NXPE4: variants seen among roughly 807,000 people sequenced by gnomAD.
The protein encoded by NXPE4 is neurexophilin and PC-esterase domain family member 4.
Under a neutral mutation model 33.3 loss-of-function variants are expected in NXPE4, and 42 were observed. The ratio of observed to expected loss-of-function variants is 1.26; its 90% CI spans 0.98 to 1.63. NXPE4 has a LOEUF of 1.63. Among genes scored for constraint, NXPE4 ranks in the 40% most tolerant of loss-of-function variants. The pLI, the probability that NXPE4 is intolerant of heterozygous loss-of-function variation, is 0.00. For missense variants in NXPE4, 709 were observed against 647.6 expected (o/e 1.09, Z -1.03); for synonymous variants, 253 against 234.9 (o/e 1.08, Z -0.71).
At chr11:114,631,663 T>TA in the NXPE4 span, among the ~76,000 whole-genome samples, 1 of 151,878 alleles carries the variant, frequency 6.6e-6, no homozygotes, top group Non-Finnish European at 1.5e-5. Context: ...CCCTAAAACT[T>TA]AAAGTATATA....
At chr11:114,655,540 T>C in the NXPE4 span, among the ~76,000 whole-genome samples, 2 of 152,214 alleles carry the variant, frequency 1.3e-5, no homozygotes, top group Non-Finnish European at 1.5e-5. Context: ...GTTTTCTGCA[T>C]ATGGCTAGCC....
rs1565329188 is a variant in NXPE4, at chr11:114,577,028, CATATATATATATAAAGTTATATATATAT to C, written c.1099+3076_1099+3103del. 1.1e-3 allele frequency among the ~76,000 whole-genome samples: 104 copies of C among 95,010 alleles called. 3 individuals carry two copies. The highest frequency in any genetic ancestry group is 3.9e-3 in the African/African-American group (94 of 24,322). 62.3% of individuals were successfully genotyped at this position (95,010 alleles called of 152,430 possible). Reference sequence around the variant, plus strand: ...ATAAAGTTATATATATATATATATACATATATATATATAAAGTTATATATATATACATATATATATATAAAGTTATATA... The same window carrying C: ...ATAAAGTTATATATATATATATATACACATATATATATATAAAGTTATATA... On this transcript the variant is annotated intron_variant, in intron 5 of 5. Transcript: ENST00000375478.
rs763316164 is a variant in NXPE4 at position 114,583,021 on chromosome 11, C to G, written c.97G>C (p.Val33Leu). 1 of 1,602,618 alleles carries G rather than the reference C, an allele frequency of 6.2e-7. No individual in the cohort carries two copies. Among genetic ancestry groups the G allele is most frequent in the East Asian group, 2.2e-5 (1 of 44,788 alleles). ...ATGGATAAGTTTAGAGCAGACCAAA[C>G]CTGAAATGACAGCAAATGTGACATG... ...IFTVFQNSTK[V>L]WSALNLSISL... The change falls in exon 3 of 6, where the codon GTT becomes CTT. Residue 33 changes from valine (V) to leucine (L), a missense_variant and splice_region_variant. Val to Leu is a conservative substitution (Grantham distance 32, BLOSUM62 1). Coordinates refer to ENST00000375478, the MANE Select transcript of NXPE4 (RefSeq NM_001077639.2).
chr11:114,662,560 G>T, the NXPE4 span, among the ~76,000 whole-genome samples: 2 of 152,148 alleles, frequency 1.3e-5, no homozygotes, highest in Non-Finnish European at 2.9e-5. Flanking sequence ...TGAGACACCA[G>T]CTGCGGTGGC....
At chr11:114,611,927 C>T in the NXPE4 span, among the ~76,000 whole-genome samples, 136 of 148,018 alleles carry the variant, frequency 9.2e-4, 1 homozygote, top group East Asian at 0.022. Context: ...AAATTTTGCC[C>T]GGTGGGTAAC....
the NXPE4 span, among the ~76,000 whole-genome samples, chr11:114,622,006 G>A: frequency 1.3e-5 from 2 of 152,036 alleles, no homozygotes; most frequent in African/African-American, 4.8e-5. Flanking sequence ...TGGATAATAA[G>A]TACTGGCTCA....
At chr11:114,629,502 G>T in the NXPE4 span, among the ~76,000 whole-genome samples, 7,351 of 151,256 alleles carry the variant, frequency 0.049, 592 homozygotes, top group African/African-American at 0.17. Flanking sequence ...AATAAATTAG[G>T]TATTGATGGG....
chr11:114,676,573 C>T, the NXPE4 span, among the ~76,000 whole-genome samples: 1 of 151,888 alleles, frequency 6.6e-6, no homozygotes, highest in Admixed American at 6.6e-5. Flanking sequence ...TACCTCATAC[C>T]TGTTAGTATG....
At chr11:114,595,946 A>G (rs999101419), upstream of NXPE4, among the ~76,000 whole-genome samples, 3 of 152,228 alleles carry the variant, frequency 2.0e-5, no homozygotes, top group African/African-American at 7.2e-5. Flanking sequence ...TACAATAAAT[A>G]ACTGATGAGA....
chr11:114,623,349 C>G, the NXPE4 span, among the ~76,000 whole-genome samples: 3 of 151,126 alleles, frequency 2.0e-5, no homozygotes, highest in African/African-American at 7.3e-5. Context: ...AAATAAGTAT[C>G]GCCTGTAGGG....
At chr11:114,627,078 A>G in the NXPE4 span, among the ~76,000 whole-genome samples, 47 of 152,268 alleles carry the variant, frequency 3.1e-4, no homozygotes, top group South Asian at 8.7e-3. Flanking sequence ...GAATGGAACC[A>G]AGTTGGAAAA....
chr11:114,666,852 T>C, the NXPE4 span, among the ~76,000 whole-genome samples: 1 of 152,010 alleles, frequency 6.6e-6, no homozygotes, highest in Non-Finnish European at 1.5e-5. Context: ...ATGGACAGAA[T>C]TACCAAAGGA....
At chr11:114,616,528 G>T in the NXPE4 span, among the ~76,000 whole-genome samples, 1 of 151,590 alleles carries the variant, frequency 6.6e-6, no homozygotes, top group Non-Finnish European at 1.5e-5. Flanking sequence ...TGTCTGGTGG[G>T]TAACCATTGT....
At chr11:114,659,658 G>T in the NXPE4 span, among the ~76,000 whole-genome samples, 1 of 152,088 alleles carries the variant, frequency 6.6e-6, no homozygotes, top group East Asian at 1.9e-4. Flanking sequence ...CAAAATATGG[G>T]GATGCAGGTA....
chr11:114,657,051 G>A, the NXPE4 span, among the ~76,000 whole-genome samples: 6 of 152,242 alleles, frequency 3.9e-5, no homozygotes, highest in African/African-American at 7.2e-5. Context: ...CTGAGATTGC[G>A]CCACTGCACT....
At chr11:114,619,067 A>G in the NXPE4 span, among the ~76,000 whole-genome samples, 2 of 151,984 alleles carry the variant, frequency 1.3e-5, no homozygotes, top group Admixed American at 1.3e-4. Flanking sequence ...TACCTGGTGG[A>G]TAATAAGTAT....
intron 4 of NXPE4, 87 bp downstream of exon 4, chr11:114,581,638 G>T: frequency 9.0e-7 from 1 of 1,111,236 alleles, no homozygotes; most frequent in Non-Finnish European, 1.3e-6. Flanking sequence ...TGATAGGACT[G>T]AAACAGTGAA....
chr11:114,624,168 T>C, the NXPE4 span, among the ~76,000 whole-genome samples: 1 of 151,772 alleles, frequency 6.6e-6, no homozygotes, highest in Non-Finnish European at 1.5e-5. Flanking sequence ...ACCAATGTTA[T>C]ATGGTAGATA....
At chr11:114,661,687 C>T in the NXPE4 span, among the ~76,000 whole-genome samples, 6 of 152,260 alleles carry the variant, frequency 3.9e-5, no homozygotes, top group East Asian at 9.6e-4. Context: ...TCCCAAGAAA[C>T]GCAAGCAAGA....
Sources: gnomAD v4.1 joint callset for allele counts (sites outside exome capture counted in the v4.1 genomes callset) on GRCh38, gnomAD v4.1.1 for gene constraint, MANE v1.5 for transcripts, NCBI Gene and HGNC (gene_info 2026-07-23, HGNC 2026-07-21) for gene names.